Variants in INSL6 observed in about 807,000 individuals in gnomAD.
The protein encoded by INSL6 is insulin like 6.
INSL6 carries 16 observed loss-of-function variants against 9.4 expected under a neutral mutation model. The ratio of observed to expected loss-of-function variants is 1.70; its 90% CI spans 1.15 to 2.59. The LOEUF is 2.59. INSL6 is among the 30% of genes most tolerant of loss of function. The pLI, the probability that INSL6 is intolerant of heterozygous loss-of-function variation, is 0.00. For missense variants in INSL6, 391 were observed against 257.3 expected (o/e 1.52, Z -3.56); for synonymous variants, 154 against 96.9 (o/e 1.59, Z -3.46).
At chr9:5,043,688 C>G in the INSL6 span, among the ~76,000 whole-genome samples, 35,687 of 152,072 alleles carry the variant, frequency 0.23, 4,590 homozygotes, top group South Asian at 0.31. Context: ...ATAATAGAAA[C>G]AAACCCAAAT....
chr9:5,026,076 C>A, the INSL6 span, among the ~76,000 whole-genome samples: 1 of 152,112 alleles, frequency 6.6e-6, no homozygotes, highest in East Asian at 1.9e-4. Context: ...TTTGTTACTT[C>A]TCCCTATTGG....
intron 3 of INSL6, among the ~76,000 whole-genome samples, chr9:5,132,641 G>A (rs1460008849): frequency 1.3e-5 from 2 of 151,754 alleles, no homozygotes; most frequent in African/African-American, 4.8e-5. Flanking sequence ...TGCAAGCTAC[G>A]TACAACTTCA....
chr9:5,078,275 A>T, the INSL6 span: 15 of 1,591,952 alleles, frequency 9.4e-6, no homozygotes, highest in Non-Finnish European at 1.3e-5. Flanking sequence ...GTGGACTGAT[A>T]TTTGAATATA....
the INSL6 span, among the ~76,000 whole-genome samples, chr9:5,116,327 G>A: frequency 2.0e-5 from 3 of 152,094 alleles, no homozygotes; most frequent in African/African-American, 7.2e-5. Context: ...GGCATTAATT[G>A]TTCTCTAATT....
chr9:5,111,476 G>A, the INSL6 span: 2 of 384,378 alleles, frequency 5.2e-6, no homozygotes, highest in Non-Finnish European at 1.0e-5. Flanking sequence ...GCCCAGCTCA[G>A]GTGAGGAGTA....
the INSL6 span, among the ~76,000 whole-genome samples, chr9:5,105,987 CAGGACATAGGTGTGGGCA>C: frequency 0.24 from 36,737 of 151,940 alleles, 4,814 homozygotes; most frequent in South Asian, 0.3. Flanking sequence ...CAATACCATT[CAGGACATAGGTGTGGGCA>C]AGGACTTCAT....
At chr9:5,158,699 GA>G (rs1207234556) in intron 2 of INSL6, among the ~76,000 whole-genome samples, 2 of 151,934 alleles carry the variant, frequency 1.3e-5, no homozygotes, top group African/African-American at 4.8e-5. Context: ...AAGAAAAAAA[GA>G]AAAAATGCTG....
chr9:5,113,557 A>G, the INSL6 span: 1 of 155,444 alleles, frequency 6.4e-6, no homozygotes, highest in Non-Finnish European at 1.4e-5. Context: ...CCGCCTCCAC[A>G]CAGGGCCCAT....
chr9:5,029,576 T>C, the INSL6 span, among the ~76,000 whole-genome samples: 1 of 152,168 alleles, frequency 6.6e-6, no homozygotes, highest in Admixed American at 6.5e-5. Flanking sequence ...TAATGCAGGG[T>C]GCACTAAAAT....
At chr9:5,035,008 G>C in the INSL6 span, among the ~76,000 whole-genome samples, 1 of 152,050 alleles carries the variant, frequency 6.6e-6, no homozygotes, top group African/African-American at 2.4e-5. Context: ...AATAAGAAAA[G>C]AGAGAAGAAT....
At chr9:5,048,874 G>A in the INSL6 span, among the ~76,000 whole-genome samples, 35 of 152,188 alleles carry the variant, frequency 2.3e-4, no homozygotes, top group Non-Finnish European at 1.8e-4. Context: ...ACCTTGATTC[G>A]CATTGTTATT....
the INSL6 span, among the ~76,000 whole-genome samples, chr9:5,057,046 T>G: frequency 6.6e-6 from 1 of 152,142 alleles, no homozygotes; most frequent in African/African-American, 2.4e-5. Flanking sequence ...CTGGGAAGAG[T>G]TGACATTTCT....
the INSL6 span, among the ~76,000 whole-genome samples, chr9:5,092,665 TA>T: frequency 6.6e-6 from 1 of 152,014 alleles, no homozygotes; most frequent in Non-Finnish European, 1.5e-5. Context: ...TAAGTAGAAA[TA>T]ACTTTACACA....
chr9:5,090,889 C>G, the INSL6 span: 2 of 1,604,914 alleles, frequency 1.2e-6, no homozygotes, highest in Non-Finnish European at 1.7e-6. Context: ...AGTAAAAGAA[C>G]CTGGTGAAAG....
chr9:5,170,610 GA>G (rs1825159486), intron 1 of INSL6, among the ~76,000 whole-genome samples: 1 of 146,836 alleles, frequency 6.8e-6, no homozygotes, highest in South Asian at 2.2e-4. Context: ...GGCTAATAAA[GA>G]AATGAAAGAA....
At chr9:5,126,505 G>A (rs1287427475) in intron 3 of INSL6, 3 of 1,205,156 alleles carry the variant, frequency 2.5e-6, no homozygotes, top group Non-Finnish European at 3.6e-6. Context: ...TTTACTCAAG[G>A]ACTTCAGTTC....
At chr9:5,178,310 G>C (rs1335585992) in intron 1 of INSL6, among the ~76,000 whole-genome samples, 1 of 152,150 alleles carries the variant, frequency 6.6e-6, no homozygotes, top group East Asian at 1.9e-4. Flanking sequence ...AGGGAGGAGG[G>C]GCTGCCGCCA....
At chr9:5,156,263 A>G (rs80012955) in intron 2 of INSL6, among the ~76,000 whole-genome samples, 3,496 of 152,314 alleles carry the variant, frequency 0.023, 147 homozygotes, top group African/African-American at 0.081. Flanking sequence ...TTCAGCAAGC[A>G]AGAAATAAAT....
chr9:5,086,165 C>G, the INSL6 span: 2 of 374,938 alleles, frequency 5.3e-6, no homozygotes, highest in Non-Finnish European at 8.1e-6. Context: ...GAGCGGTCTC[C>G]ACGCCGCCGG....
Sources: allele counts gnomAD v4.1 joint callset (sites outside exome capture counted in the v4.1 genomes callset), GRCh38; gene constraint gnomAD v4.1.1; transcripts MANE v1.5; gene names NCBI Gene and HGNC (gene_info 2026-07-23, HGNC 2026-07-21).